Variants in USP19 observed in about 807,000 individuals in gnomAD.
The protein encoded by USP19 is ubiquitin specific peptidase 19.
In USP19, 40 loss-of-function variants were observed where a neutral mutation model predicts 144.8. The observed-to-expected ratio is 0.28, with a 90% CI of 0.21 to 0.36. USP19 has a LOEUF of 0.36. Ranked by LOEUF, USP19 falls within the 10% of genes least tolerant of loss-of-function variation. The probability of loss-of-function intolerance (pLI) is 1.00; values close to 1 mark genes in which losing one functional copy is unlikely to be tolerated. For missense variants in USP19, 1,518 were observed against 1,822.5 expected, an observed-to-expected ratio of 0.83 and a Z score of 3.04; for synonymous variants, 701 against 709.3, an observed-to-expected ratio of 0.99 and a Z score of 0.19.
Position 49,115,904 on chromosome 3 carries a change from T to A in USP19, c.1512A>T (p.Pro504=). Residue 504 remains proline (P), a synonymous_variant, in exon 11 of 27, where the codon CCA becomes CCT. Coordinates refer to ENST00000417901, the MANE Select transcript of USP19 (RefSeq NM_001199161.2). The surrounding 1 kb of genome is among the most constrained non-coding windows in gnomAD (Gnocchi z 6.6). ...CTGGTGGGGTTGAATCCAGAGGGGT[T>A]GGACCTGTCGGCACGGCAACCTTTG... ...GGAKVAVPTG[P]TPLDSTPPGG... 6.4e-7 allele frequency: 1 copy of A among 1,573,778 alleles called. No homozygotes were observed. Among genetic ancestry groups the A allele is most frequent in the Non-Finnish European group, 8.6e-7 (1 of 1,161,060 alleles).
chr3:49,117,665 C>G lies in USP19; in HGVS notation c.464G>C (p.Arg155Pro), dbSNP rs752155630. ...AAFTDTDCVV[R>P]FAGGQQWGGV... ...AGGGCAGATGGACACACCTGCAAAC[C>G]GCACCACACAGTCTGTATCTGTGAA... Residue 155 changes from arginine (R) to proline (P), a missense_variant, in exon 4 of 27, where the codon CGG (arginine) becomes CCG (proline). Around this residue, in one of 5 missense-constraint regions of USP19, gnomAD observed 707 missense variants for 728.9 expected, o/e 0.97. Transcript: ENST00000417901. The surrounding 1 kb of genome is among the most constrained non-coding windows in gnomAD (Gnocchi z 4.4). 6.2e-7 allele frequency: 1 copy of G among 1,614,014 alleles called. No homozygotes were observed. The highest frequency in any genetic ancestry group is 1.3e-5 in the African/African-American group (1 of 74,902).
Position 49,114,354 on chromosome 3 carries a change from C to T in USP19, c.2293-70G>A. On this transcript the variant is annotated intron_variant, in intron 15 of 26. Transcript: ENST00000417901. This position sits in a 1 kb window ranked among gnomAD's most constrained non-coding sequence, Gnocchi z 4.5. ...AGATAAGATGCTCATGCTCAGAGAG[C>T]CCATTCCGGGGCTTCTGATGGCTCT... The T allele has an allele frequency of 6.7e-7, 1 of 1,485,090 alleles. No homozygotes were observed. The allele number at this position is 1,485,090 out of a possible 1,614,324, so 92.0% of individuals were successfully genotyped here. A position where few individuals can be genotyped will look rare whatever the true frequency, so the allele number is the denominator to read the frequency against.
rs761567911 is a variant in USP19 at position 49,110,883 on chromosome 3, G to C, written c.3546-20C>G. 124 of 1,613,838 alleles carry C rather than the reference G, an allele frequency of 7.7e-5. No homozygotes were observed. Among genetic ancestry groups the C allele is most frequent in the Non-Finnish European group, 1.0e-4 (121 of 1,179,906 alleles). Reference sequence around the variant, plus strand: ...CAGTACCTGGTGGGGACAGAGATTGGGTCAGGACCAGCAAGTCTCTCTCTT... The same window carrying C: ...CAGTACCTGGTGGGGACAGAGATTGCGTCAGGACCAGCAAGTCTCTCTCTT... On this transcript the variant is annotated intron_variant, in intron 23 of 26. Coordinates refer to ENST00000417901, the MANE Select transcript of USP19 (RefSeq NM_001199161.2). This position sits in a 1 kb window ranked among gnomAD's most constrained non-coding sequence, Gnocchi z 6.1.
At position 49,108,238 on chromosome 3, in the gene USP19, G is replaced by A; in HGVS notation, c.*174C>T. 3.9e-6 allele frequency: 1 copy of A among 254,518 alleles called. No homozygotes were observed. Among genetic ancestry groups the A allele is most frequent in the Non-Finnish European group, 8.0e-6 (1 of 125,258 alleles). 15.8% of individuals were successfully genotyped at this position (254,518 alleles called of 1,614,324 possible). ...TGGAGAAGCCAAAGCCCACTGGTCAGGGGTCCAAGCTGACAAGAAGTCCCA... is the reference window on the plus strand; with the variant it reads ...TGGAGAAGCCAAAGCCCACTGGTCAAGGGTCCAAGCTGACAAGAAGTCCCA... On this transcript the variant is annotated 3_prime_UTR_variant, in exon 27 of 27. Transcript: ENST00000417901. This position sits in a 1 kb window ranked among gnomAD's most constrained non-coding sequence, Gnocchi z 4.8.
In USP19 at chr3:49,116,834, C is replaced by A; in HGVS notation, c.1019G>T (p.Gly340Val). The change falls in exon 7 of 27, where the codon GGG (glycine) becomes GTG (valine). Residue 340 changes from glycine to valine, a missense_variant. Physicochemically the swap from Gly to Val is moderately radical, Grantham distance 109. Coordinates refer to ENST00000417901, the MANE Select transcript of USP19 (RefSeq NM_001199161.2). The surrounding 1 kb of genome is among the most constrained non-coding windows in gnomAD (Gnocchi z 5.0). ...CATGGCTGGAGAGACTGGGTCATTCCCGGGAGGCACTGCTTTCTCTCCTGC... is the reference window on the plus strand; with the variant it reads ...CATGGCTGGAGAGACTGGGTCATTCACGGGAGGCACTGCTTTCTCTCCTGC... The part of the protein sequence containing the change: ...PLAGEKAVPP[G>V]NDPVSPAMVR... 1 of 1,614,128 alleles carries A rather than the reference C, an allele frequency of 6.2e-7. No homozygotes were observed. Among genetic ancestry groups the A allele is most frequent in the Non-Finnish European group, 8.5e-7 (1 of 1,180,034 alleles).
At chr3:49,119,603 C>G (rs1022317983) in intron 1 of USP19, among the ~76,000 whole-genome samples, 13 of 152,326 alleles carry the variant, frequency 8.5e-5, no homozygotes, top group Middle Eastern at 3.4e-3. Flanking sequence ...CTCCAGCCCA[C>G]AGGGCTGGCA....
Position 49,111,968 on chromosome 3 carries a change from A to G in USP19, c.2846T>C (p.Val949Ala), listed in dbSNP as rs1265308860. Residue 949 changes from valine (V) to alanine (A), a missense_variant, in exon 20 of 27, where the codon GTA (valine) becomes GCA (alanine). Physicochemically the swap from Val to Ala is moderately conservative, Grantham distance 64 (BLOSUM62 0). Transcript: ENST00000417901. The surrounding 1 kb of genome is among the most constrained non-coding windows in gnomAD (Gnocchi z 5.9). Reference protein sequence around the residue: ...ENIGYPFLVSVPASRLTYARL... With the variant: ...ENIGYPFLVSAPASRLTYARL... ...GGCATAAGTGAGGCGTGAGGCAGGTACACTGACCAGGAAGGGGTAGCCAAT... is the reference window on the plus strand; with the variant it reads ...GGCATAAGTGAGGCGTGAGGCAGGTGCACTGACCAGGAAGGGGTAGCCAAT... The G allele has an allele frequency of 1.9e-6, 3 of 1,614,090 alleles. No individual in the cohort carries two copies. Among genetic ancestry groups the G allele is most frequent in the Non-Finnish European group, 2.5e-6 (3 of 1,180,020 alleles).
Position 49,115,659 on chromosome 3 carries a change from A to G in USP19, c.1693-20T>C. ...CTTGGGCTGCAGGAGCAAAGACGAC[A>G]TGAGAGAACAGCCCCAAGACTCTCC... On this transcript the variant is annotated intron_variant, in intron 11 of 26. Transcript: ENST00000417901. This position sits in a 1 kb window ranked among gnomAD's most constrained non-coding sequence, Gnocchi z 6.6. The G allele has an allele frequency of 6.2e-7, 1 of 1,608,708 alleles. No homozygotes were observed. The highest frequency in any genetic ancestry group is 8.5e-7 in the Non-Finnish European group (1 of 1,176,786).
At chr3:49,119,403 C>T (rs546344491) in intron 1 of USP19, 122 bp from the exon 2 acceptor site, 1 of 415,148 alleles carries the variant, frequency 2.4e-6, no homozygotes, top group South Asian at 3.8e-5. Context: ...TCTTAAGTAC[C>T]CCTGGACACT....
At position 49,110,304 on chromosome 3, in the gene USP19, C is replaced by A; in HGVS notation, c.3918G>T (p.Thr1306=). 1 of 1,607,630 alleles carries A rather than the reference C, an allele frequency of 6.2e-7. No homozygotes were observed. The highest frequency in any genetic ancestry group is 8.5e-7 in the Non-Finnish European group (1 of 1,175,910). The part of the protein sequence containing the change: ...VTTVDESQVV[T]RYAYVLFYRR... ...GGTAGAAGAGTACATAGGCATAACG[C>A]GTCACAACCTGGCTCTCGTCTACCG... The change falls in exon 26 of 27, where the codon ACG becomes ACT. Residue 1306 remains threonine (T), a synonymous_variant. Transcript: ENST00000417901. This position sits in a 1 kb window ranked among gnomAD's most constrained non-coding sequence, Gnocchi z 6.1.
Position 49,119,136 on chromosome 3 carries a change from C to T in USP19, c.10G>A (p.Gly4Arg), listed in dbSNP as rs750253075. The T allele has an allele frequency of 1.3e-4, 209 of 1,611,778 alleles. No individual in the cohort carries two copies. Among genetic ancestry groups the T allele is most frequent in the Non-Finnish European group, 1.6e-4 (192 of 1,179,268 alleles). Residue 4 changes from glycine to arginine, a missense_variant, in exon 2 of 27, where the codon GGG becomes AGG. Physicochemically the swap from Gly to Arg is moderately radical, Grantham distance 125. This residue lies in a region of USP19 where 707 missense variants were observed against 728.9 expected (regional missense o/e 0.97). Coordinates refer to ENST00000417901, the MANE Select transcript of USP19 (RefSeq NM_001199161.2). ...CTCCTTGGGCCTGTGGCACTGGCCCCGCCAGACATCTTGAGCCGCTTGGTC... is the reference window on the plus strand; with the variant it reads ...CTCCTTGGGCCTGTGGCACTGGCCCTGCCAGACATCTTGAGCCGCTTGGTC... MSG[G>R]ASATGPRRGP...
rs1185958590 is a variant in USP19, at chr3:49,108,943, T to TGC, written c.4039-417_4039-416dup. On this transcript the variant is annotated intron_variant, in intron 26 of 26. Transcript: ENST00000417901. This position sits in a 1 kb window ranked among gnomAD's most constrained non-coding sequence, Gnocchi z 4.8. ...GGCAGGTAGGCCAGCTCACAGCAGC[T>TGC]GCCTGCAGGCGAGCTCATCTCCAGC... The TGC allele has an allele frequency of 6.2e-7, 1 of 1,600,858 alleles. No individual in the cohort carries two copies.
At position 49,111,327 on chromosome 3, in the gene USP19, T is replaced by C. The variant is rs2043115149; in HGVS notation, c.3256A>G (p.Asn1086Asp). The stretch of plus-strand genomic sequence containing the variant: ...ATGAAGAACTGGGGTGTGTGGGCAT[T>C]CATAGCTTCACTTGGATGCTGGTAC... ...PGYQHPSEAM[N>D]AHTPQFFIYK... Residue 1086 changes from asparagine (N) to aspartate (D), a missense_variant, in exon 22 of 27, where the codon AAT becomes GAT. Coordinates refer to ENST00000417901, the MANE Select transcript of USP19 (RefSeq NM_001199161.2). This position sits in a 1 kb window ranked among gnomAD's most constrained non-coding sequence, Gnocchi z 5.9. The C allele has an allele frequency of 8.7e-6, 14 of 1,614,024 alleles. No individual in the cohort carries two copies. The highest frequency in any genetic ancestry group is 1.2e-5 in the Non-Finnish European group (14 of 1,180,042).
rs199888889 is a variant in USP19, at chr3:49,111,625, C to T, written c.3092G>A (p.Arg1031Gln). Residue 1031 changes from arginine to glutamine, a missense_variant, in exon 21 of 27, where the codon CGG becomes CAG. Transcript: ENST00000417901. The surrounding 1 kb of genome is among the most constrained non-coding windows in gnomAD (Gnocchi z 5.9). ...ACCCCGGTCAGGGGCTGCCCACACC[C>T]GGGGAAGCCCTGTGTCCCCCTCAGC... ...PMAEGDTGLP[R>Q]VWAAPDRGPV... 2.7e-5 allele frequency: 44 copies of T among 1,608,794 alleles called. No individual in the cohort carries two copies. Among genetic ancestry groups the T allele is most frequent in the South Asian group, 9.9e-5 (9 of 90,548 alleles).
chr3:49,112,689 C>G lies in USP19; in HGVS notation c.2506-60G>C. The G allele has an allele frequency of 6.4e-7, 1 of 1,565,478 alleles. No individual in the cohort carries two copies. On this transcript the variant is annotated intron_variant, in intron 17 of 26. Transcript: ENST00000417901. The surrounding 1 kb of genome is among the most constrained non-coding windows in gnomAD (Gnocchi z 4.9). ...ATAAGCCCTTTCCCTAGCCCTGCCC[C>G]AGAGTTTAAGAAGGCTTGGCCCTGC...
intron 17 of USP19, among the ~76,000 whole-genome samples, 200 bp downstream of exon 17, chr3:49,113,792 C>T (rs1245365251): frequency 6.6e-6 from 1 of 152,136 alleles, no homozygotes; most frequent in Non-Finnish European, 1.5e-5. Flanking sequence ...CAGTGTTTCA[C>T]CAAGTTGCCC....
In USP19 at chr3:49,111,578, T is replaced by C. The variant is rs759854323; in HGVS notation, c.3139A>G (p.Ile1047Val). The change falls in exon 21 of 27, where the codon ATT becomes GTT. Residue 1047 changes from isoleucine to valine, a missense_variant. By Grantham distance (29) the Ile-to-Val change is conservative (BLOSUM62 3). This residue lies in a region of USP19 where 413 missense variants were observed against 515.8 expected (regional missense o/e 0.80). Transcript: ENST00000417901. This position sits in a 1 kb window ranked among gnomAD's most constrained non-coding sequence, Gnocchi z 5.9. ...CCACTGGCCAGCATCTCAGAAGAAA[T>C]TCCACTGGTGCTGGGCACAGGACCC... Reference protein sequence around the residue: ...DRGPVPSTSGISSEMLASGPI... With the variant: ...DRGPVPSTSGVSSEMLASGPI... 1.6e-5 allele frequency: 26 copies of C among 1,612,950 alleles called. No homozygotes were observed. Among genetic ancestry groups the C allele is most frequent in the Non-Finnish European group, 2.2e-5 (26 of 1,180,008 alleles).
At position 49,111,803 on chromosome 3, in the gene USP19, TCA is replaced by T. The variant is rs2043191552; in HGVS notation, c.2912_2913del (p.Val971GlufsTer44). The T allele has an allele frequency of 6.4e-7, 1 of 1,565,714 alleles. No individual in the cohort carries two copies. The highest frequency in any genetic ancestry group is 8.7e-7 in the Non-Finnish European group (1 of 1,154,194). ...GGCTGAAAGGGTGGCTGGAATACAC[TCA>T]CAGAGTACCTGGCAACAGAGAACAA... ...QLLEGYARYSVSVFQPPFQPG... is the reference protein window; with the variant it reads ...QLLEGYARYSXSVFQPPFQPG... On this transcript the variant is annotated frameshift_variant, in exon 21 of 27. Transcript: ENST00000417901. LOFTEE classifies it high-confidence loss of function. This position sits in a 1 kb window ranked among gnomAD's most constrained non-coding sequence, Gnocchi z 5.9.
In USP19 at chr3:49,117,654, C is replaced by T. The variant is rs2044391915; in HGVS notation, c.472+3G>A. ...CTACTGTGCTCAGGGCAGATGGACA[C>T]ACCTGCAAACCGCACCACACAGTCT... On this transcript the variant is annotated splice_donor_region_variant and intron_variant, in intron 4 of 26. Transcript: ENST00000417901. The surrounding 1 kb of genome is among the most constrained non-coding windows in gnomAD (Gnocchi z 4.4). 1 of 1,614,190 alleles carries T rather than the reference C, an allele frequency of 6.2e-7. No homozygotes were observed. Among genetic ancestry groups the T allele is most frequent in the Non-Finnish European group, 8.5e-7 (1 of 1,180,022 alleles).
Sources: allele counts gnomAD v4.1 joint callset (sites outside exome capture counted in the v4.1 genomes callset), GRCh38; gene constraint gnomAD v4.1.1; regional missense constraint gnomAD v4.1.1; non-coding constraint Gnocchi (gnomAD v3.1); transcripts MANE v1.5; gene names NCBI Gene and HGNC (gene_info 2026-07-23, HGNC 2026-07-21).